EDIL3: variants seen among roughly 807,000 people sequenced by gnomAD.
EDIL3 encodes EGF like and discoidin domains 3.
Under a neutral mutation model 67.4 loss-of-function variants are expected in EDIL3, and 37 were observed. The observed-to-expected ratio is 0.55, with a 90% CI of 0.42 to 0.72. The LOEUF (loss-of-function observed/expected upper bound fraction) is 0.72. Ranked by LOEUF, EDIL3 falls within the 30% of genes least tolerant of loss-of-function variation. The pLI, the probability that EDIL3 is intolerant of heterozygous loss-of-function variation, is 0.00. For missense variants in EDIL3, 527 were observed against 586.3 expected (o/e 0.90, Z 1.04); for synonymous variants, 195 against 196.3 (o/e 0.99, Z 0.05).
chr5:84,355,600 G>A (rs1192505975), intron 1 of EDIL3, among the ~76,000 whole-genome samples: 17 of 152,050 alleles, frequency 1.1e-4, no homozygotes, highest in Non-Finnish European at 2.1e-4. Context: ...GTTTGCCTAG[G>A]TATCACCAGC....
At chr5:84,313,558 T>C (rs1459893310) in intron 1 of EDIL3, among the ~76,000 whole-genome samples, 1 of 152,200 alleles carries the variant, frequency 6.6e-6, no homozygotes, top group African/African-American at 2.4e-5. Flanking sequence ...CCACTTCTTT[T>C]CCTCTACAAA....
At chr5:84,034,480 A>T (rs1418690923) in intron 9 of EDIL3, among the ~76,000 whole-genome samples, 13 of 152,176 alleles carry the variant, frequency 8.5e-5, no homozygotes, top group Admixed American at 6.5e-4. Flanking sequence ...AGTCATGAAA[A>T]TAATCACTAT....
intron 4 of EDIL3, among the ~76,000 whole-genome samples, chr5:84,163,484 A>G (rs1439187791): frequency 1.3e-5 from 2 of 152,106 alleles, no homozygotes; most frequent in African/African-American, 4.8e-5. Flanking sequence ...TTTCATGTTT[A>G]TTTACTTTTT....
intron 9 of EDIL3, among the ~76,000 whole-genome samples, chr5:84,024,933 T>C (rs1192277072): frequency 6.6e-6 from 1 of 152,100 alleles, no homozygotes; most frequent in African/African-American, 2.4e-5. Flanking sequence ...ACCTTTAGTA[T>C]TCAACAAAAT....
At chr5:84,310,850 C>T (rs1746372699) in intron 1 of EDIL3, among the ~76,000 whole-genome samples, 1 of 152,310 alleles carries the variant, frequency 6.6e-6, no homozygotes, top group Non-Finnish European at 1.5e-5. Flanking sequence ...ATTTCTCACA[C>T]TCCACAAAGC....
At chr5:84,026,529 C>T (rs1745819391) in intron 9 of EDIL3, among the ~76,000 whole-genome samples, 1 of 151,924 alleles carries the variant, frequency 6.6e-6, no homozygotes, top group South Asian at 2.1e-4. Context: ...TTCTTGTGGG[C>T]ATTTCTACCA....
intron 9 of EDIL3, among the ~76,000 whole-genome samples, chr5:84,016,395 C>T (rs1429810439): frequency 6.6e-6 from 1 of 152,074 alleles, no homozygotes; most frequent in Non-Finnish European, 1.5e-5. Context: ...TCATTTTGAT[C>T]CCAGTGTTGC....
intron 6 of EDIL3, among the ~76,000 whole-genome samples, chr5:84,101,346 T>G (rs1022473222): frequency 6.6e-6 from 1 of 152,034 alleles, no homozygotes; most frequent in African/African-American, 2.4e-5. Flanking sequence ...ACCTACTATA[T>G]GGAATTATTC....
chr5:84,065,608 G>C (rs1172609848), intron 7 of EDIL3, among the ~76,000 whole-genome samples: 1 of 150,816 alleles, frequency 6.6e-6, no homozygotes, highest in African/African-American at 2.4e-5. Context: ...TAAAATTTTC[G>C]ATGAAGAACT....
intron 4 of EDIL3, among the ~76,000 whole-genome samples, chr5:84,177,240 G>A (rs999267062): frequency 7.2e-5 from 11 of 151,998 alleles, no homozygotes; most frequent in Admixed American, 5.2e-4. Context: ...TCCATAAAAT[G>A]GATTATTACT....
Position 84,071,305 on chromosome 5 carries a change from A to C in EDIL3, c.652-4699T>G, listed in dbSNP as rs184709325. On this transcript the variant is annotated intron_variant, in intron 6 of 10. Coordinates refer to ENST00000296591, the MANE Select transcript of EDIL3 (RefSeq NM_005711.5). ...GGACATGAATTTTACCCTTCCTTCT[A>C]GATACATCACTAGCTAAGGTATTAA... Among the ~76,000 whole-genome samples, 255 of 152,334 alleles carry C rather than the reference A, an allele frequency of 1.7e-3. 1 individual carries two copies. Among genetic ancestry groups the C allele is most frequent in the Non-Finnish European group, 2.7e-3 (184 of 68,036 alleles).
At chr5:84,356,557 T>C (rs1382592690) in intron 1 of EDIL3, among the ~76,000 whole-genome samples, 1 of 152,214 alleles carries the variant, frequency 6.6e-6, no homozygotes, top group Non-Finnish European at 1.5e-5. Context: ...TGCCTACCTC[T>C]TTCACTTACA....
chr5:84,003,328 C>T lies in EDIL3; in HGVS notation c.1138-39968G>A, dbSNP rs528101493. ...TCTGCCATTGCCACTGCCAAGGGCC[C>T]TGTCCCTGCTGCCACAAAGTGAGGA... is the stretch of plus-strand genomic sequence containing the variant. On this transcript the variant is annotated intron_variant, in intron 9 of 10. Transcript: ENST00000296591. 6.9e-3 allele frequency among the ~76,000 whole-genome samples: 1,045 copies of T among 152,226 alleles called. 11 individuals are homozygous for T. Among genetic ancestry groups the T allele is most frequent in the Non-Finnish European group, 0.012 (795 of 68,010 alleles).
intron 2 of EDIL3, among the ~76,000 whole-genome samples, chr5:84,249,470 T>A (rs952248517): frequency 2.7e-5 from 4 of 150,066 alleles, no homozygotes; most frequent in Admixed American, 2.7e-4. Flanking sequence ...CATCTTTCTG[T>A]CTGTATGTAT....
intron 9 of EDIL3, among the ~76,000 whole-genome samples, chr5:84,027,274 G>A (rs565545554): frequency 6.6e-6 from 1 of 152,268 alleles, no homozygotes; most frequent in African/African-American, 2.4e-5. Flanking sequence ...TGAAGTATAA[G>A]CCCCAAAAGG....
intron 3 of EDIL3, among the ~76,000 whole-genome samples, chr5:84,222,408 TG>T (rs1554036664): frequency 1.3e-5 from 2 of 151,890 alleles, no homozygotes; most frequent in Non-Finnish European, 3.0e-5. Context: ...TAAAGGGAAC[TG>T]GTGAATGTAT....
At chr5:83,953,032 G>A (rs1744448017) in intron 10 of EDIL3, among the ~76,000 whole-genome samples, 1 of 151,774 alleles carries the variant, frequency 6.6e-6, no homozygotes. Flanking sequence ...GAATCGTACA[G>A]CTGAAGCAGG....
At chr5:84,206,794 A>C (rs1164608387) in intron 3 of EDIL3, among the ~76,000 whole-genome samples, 1 of 152,108 alleles carries the variant, frequency 6.6e-6, no homozygotes, top group Non-Finnish European at 1.5e-5. Context: ...AAAGACAAAA[A>C]CCACATGATT....
intron 9 of EDIL3, among the ~76,000 whole-genome samples, chr5:84,026,755 A>G (rs1407956165): frequency 6.6e-6 from 1 of 152,156 alleles, no homozygotes; most frequent in Non-Finnish European, 1.5e-5. Flanking sequence ...TTGATACATC[A>G]TCTACTAAGT....
Sources: gnomAD v4.1 joint callset for allele counts (sites outside exome capture counted in the v4.1 genomes callset) on GRCh38, gnomAD v4.1.1 for gene constraint, MANE v1.5 for transcripts, NCBI Gene and HGNC (gene_info 2026-07-23, HGNC 2026-07-21) for gene names.